RBFOX1: variants seen among roughly 807,000 people sequenced by gnomAD.
RBFOX1 encodes RNA binding fox-1 homolog 1, also known as RNA binding protein fox-1 homolog 1.
Under a neutral mutation model 57.7 loss-of-function variants are expected in RBFOX1, and 8 were observed. That is an observed-to-expected ratio of 0.14 (90% CI 0.08 to 0.25). The LOEUF (loss-of-function observed/expected upper bound fraction) is 0.25, where lower values mean the gene tolerates loss of function less well. Among genes scored for constraint, RBFOX1 ranks in the 10% least tolerant of loss-of-function variants. The pLI, the probability that RBFOX1 is intolerant of heterozygous loss-of-function variation, is 1.00. For synonymous variants in RBFOX1, 326 were observed against 222.4 expected (o/e 1.47, Z -4.15); for missense variants, 611 against 548.5 (o/e 1.11, Z -1.14).
At chr16:7,121,065 C>A (rs1271583808) in intron 4 of RBFOX1, among the ~76,000 whole-genome samples, 1 of 151,872 alleles carries the variant, frequency 6.6e-6, no homozygotes, top group African/African-American at 2.4e-5. Flanking sequence ...AGCTAATCTA[C>A]ATTGATGATA....
rs188563561 is a variant in RBFOX1, at chr16:7,242,168, G to T, written c.27+190070G>T. On this transcript the variant is annotated intron_variant, in intron 4 of 15. Coordinates refer to ENST00000550418, the MANE Select transcript of RBFOX1 (RefSeq NM_018723.4). ...CATGCGCACAGAGAAACCCATATAT[G>T]TGTAGGTCATGCACTTACTGTAAGA... is the stretch of plus-strand genomic sequence containing the variant. Among the ~76,000 whole-genome samples the T allele has an allele frequency of 1.9e-3, 287 of 152,250 alleles. 1 individual carries two copies. Among genetic ancestry groups the T allele is most frequent in the South Asian group, 9.8e-3 (47 of 4,816 alleles).
intron 2 of RBFOX1, among the ~76,000 whole-genome samples, chr16:6,565,213 C>T (rs2097244537): frequency 6.7e-6 from 1 of 149,294 alleles, no homozygotes; most frequent in Non-Finnish European, 1.5e-5. Context: ...AGACAAAGTA[C>T]AAATAGCCAT....
At chr16:6,023,123 G>C (rs1165501115) in intron 1 of RBFOX1, among the ~76,000 whole-genome samples, 23 of 152,098 alleles carry the variant, frequency 1.5e-4, no homozygotes, top group Admixed American at 1.5e-3. Flanking sequence ...AAATCTTGCT[G>C]TCCGTAGAAC....
chr16:6,339,318 A>AT (rs936077972), intron 2 of RBFOX1, among the ~76,000 whole-genome samples: 24 of 152,194 alleles, frequency 1.6e-4, no homozygotes, highest in Non-Finnish European at 2.4e-4. Flanking sequence ...AAGTGCTGTG[A>AT]TTTTAATAGG....
chr16:7,188,634 A>C (rs1033219529), intron 4 of RBFOX1, among the ~76,000 whole-genome samples: 1 of 152,172 alleles, frequency 6.6e-6, no homozygotes, highest in Non-Finnish European at 1.5e-5. Flanking sequence ...GCATTGACTC[A>C]TTATACCAGT....
At chr16:5,256,209 G>C (rs911927325) in intron 1 of RBFOX1, among the ~76,000 whole-genome samples, 1 of 152,180 alleles carries the variant, frequency 6.6e-6, no homozygotes. Context: ...TGTTTTAGCT[G>C]AGACTTGTGG....
In RBFOX1 at chr16:7,272,212, C is replaced by T. The variant is rs1258623172; in HGVS notation, c.27+220114C>T. On this transcript the variant is annotated intron_variant, in intron 4 of 15. Coordinates refer to ENST00000550418, the MANE Select transcript of RBFOX1 (RefSeq NM_018723.4). Reference sequence around the variant, plus strand: ...TATTTTATTTTTTTTGAGAAAGAGTCTCGCTCTGTCATCCAGAGCTGGAGT... The same window carrying T: ...TATTTTATTTTTTTTGAGAAAGAGTTTCGCTCTGTCATCCAGAGCTGGAGT... Among the ~76,000 whole-genome samples the T allele has an allele frequency of 2.0e-5, 3 of 152,256 alleles. 1 individual carries two copies. The highest frequency in any genetic ancestry group is 4.1e-4 in the South Asian group (2 of 4,826).
At chr16:7,677,569 G>A (rs1323129183) in intron 14 of RBFOX1, among the ~76,000 whole-genome samples, 1 of 152,114 alleles carries the variant, frequency 6.6e-6, no homozygotes, top group African/African-American at 2.4e-5. Flanking sequence ...CAGATGAGTT[G>A]GTTCCTGAAA....
intron 4 of RBFOX1, among the ~76,000 whole-genome samples, chr16:7,202,120 C>T (rs950192313): frequency 6.6e-6 from 1 of 151,400 alleles, no homozygotes; most frequent in African/African-American, 2.5e-5. Context: ...ACAACCACAG[C>T]AATATAAACA....
chr16:7,034,609 T>C (rs2153696592), intron 3 of RBFOX1, among the ~76,000 whole-genome samples: 1 of 151,930 alleles, frequency 6.6e-6, no homozygotes, highest in African/African-American at 2.4e-5. Context: ...TCCCTGGCAA[T>C]GTTTTTGTGT....
At chr16:7,519,949 G>C (rs1047821883) in intron 5 of RBFOX1, among the ~76,000 whole-genome samples, 1 of 152,068 alleles carries the variant, frequency 6.6e-6, no homozygotes, top group Non-Finnish European at 1.5e-5. Context: ...GCGGTGGCGC[G>C]ATCTCGGCTC....
At chr16:7,529,129 C>T (rs935163017) in intron 5 of RBFOX1, among the ~76,000 whole-genome samples, 5 of 152,018 alleles carry the variant, frequency 3.3e-5, no homozygotes, top group South Asian at 2.1e-4. Flanking sequence ...GGCGTGGTGG[C>T]GGGCACTTGT....
chr16:7,006,625 T>A (rs1216583675), intron 3 of RBFOX1, among the ~76,000 whole-genome samples: 1 of 151,948 alleles, frequency 6.6e-6, no homozygotes, highest in East Asian at 1.9e-4. Flanking sequence ...TGGTTTCGGG[T>A]TTTATAGAGA....
chr16:5,556,020 C>A (rs1335460795), intron 2 of RBFOX1, among the ~76,000 whole-genome samples: 2 of 145,996 alleles, frequency 1.4e-5, no homozygotes, highest in African/African-American at 5.5e-5. Context: ...GACTCTGTCT[C>A]AAAAAAACAA....
intron 2 of RBFOX1, among the ~76,000 whole-genome samples, chr16:5,513,010 G>A (rs998087714): frequency 6.6e-6 from 1 of 152,136 alleles, no homozygotes; most frequent in African/African-American, 2.4e-5. Flanking sequence ...CCACCTCCTA[G>A]GCTCAAACGA....
chr16:7,153,071 C>G (rs1321885796), intron 4 of RBFOX1, among the ~76,000 whole-genome samples: 3 of 152,106 alleles, frequency 2.0e-5, no homozygotes, highest in African/African-American at 7.2e-5. Context: ...ATGGCATGGT[C>G]TAATATTTTG....
At chr16:6,346,273 G>T (rs1183181609) in intron 2 of RBFOX1, among the ~76,000 whole-genome samples, 2 of 152,212 alleles carry the variant, frequency 1.3e-5, no homozygotes, top group Admixed American at 6.5e-5. Flanking sequence ...GCGGCCAGAA[G>T]GTACTGCTGT....
intron 3 of RBFOX1, among the ~76,000 whole-genome samples, chr16:6,903,960 C>G (rs1437765436): frequency 6.6e-6 from 1 of 152,066 alleles, no homozygotes. Flanking sequence ...AGGTACAAAT[C>G]TGCAAATCCA....
intron 2 of RBFOX1, among the ~76,000 whole-genome samples, chr16:6,613,796 G>C (rs892312193): frequency 2.0e-5 from 3 of 152,134 alleles, no homozygotes; most frequent in African/African-American, 7.2e-5. Flanking sequence ...AAATTAGCCG[G>C]GTGTGGTGGT....
Sources: gnomAD v4.1 joint callset for allele counts (sites outside exome capture counted in the v4.1 genomes callset) on GRCh38, gnomAD v4.1.1 for gene constraint, MANE v1.5 for transcripts, NCBI Gene and HGNC (gene_info 2026-07-23, HGNC 2026-07-21) for gene names.